Variants in DCDC1 observed in about 807,000 individuals in gnomAD.
DCDC1 encodes the protein doublecortin domain containing 1.
Under a neutral mutation model 178.3 loss-of-function variants are expected in DCDC1, and 200 were observed. The observed-to-expected ratio is 1.12, with a 90% confidence interval of 1.00 to 1.26. The LOEUF is 1.26. Among genes scored for constraint, DCDC1 ranks in the 50% most tolerant of loss-of-function variants. The pLI is 0.00. For synonymous variants in DCDC1, 690 were observed against 604.8 expected (o/e 1.14, Z -2.07); for missense variants, 1,983 against 1,749.2 (o/e 1.13, Z -2.38).
At chr11:31,011,378 C>T (rs967072988) in intron 20 of DCDC1, among the ~76,000 whole-genome samples, 5 of 152,082 alleles carry the variant, frequency 3.3e-5, no homozygotes, top group African/African-American at 1.2e-4. Context: ...ATTTGCAAAA[C>T]ATTCTAGGTT....
chr11:30,942,799 T>C (rs557270898), intron 21 of DCDC1, among the ~76,000 whole-genome samples: 1 of 152,296 alleles, frequency 6.6e-6, no homozygotes, highest in East Asian at 1.9e-4. Context: ...CCAAGAGTCT[T>C]CTCTTTTTAA....
At chr11:31,174,003 A>T (rs906820558) in intron 9 of DCDC1, among the ~76,000 whole-genome samples, 2 of 152,154 alleles carry the variant, frequency 1.3e-5, no homozygotes, top group African/African-American at 2.4e-5. Context: ...AGCCAGGAAC[A>T]GGTGGAAGCC....
At position 31,290,690 on chromosome 11, in the gene DCDC1, T is replaced by C. The variant is rs377395170; in HGVS notation, c.917A>G (p.Gln306Arg). The change falls in exon 7 of 39, where the codon CAG becomes CGG. Residue 306 changes from glutamine to arginine, a missense_variant. Coordinates refer to ENST00000684477, the MANE Select transcript of DCDC1 (RefSeq NM_001387274.1). The stretch of plus-strand genomic sequence containing the variant: ...TCCCACTGTAATCTCATGCCCATCC[T>C]GCCCCATGCCATTCTTAAAGAACAG... ...RILFFKNGMG[Q>R]DGHEITVGKE... The C allele has an allele frequency of 1.0e-4, 163 of 1,613,290 alleles. No homozygotes were observed. Among genetic ancestry groups the C allele is most frequent in the Non-Finnish European group, 1.3e-4 (152 of 1,179,510 alleles).
At position 30,900,391 on chromosome 11, in the gene DCDC1, T is replaced by C. The variant is rs201129626; in HGVS notation, c.4618A>G (p.Ile1540Val). ...TCACCACAAGACACCCAGATGGCAA[T>C]AGGATTTCTGAGGATGAGGGTAAGC... ...SLLTLILRNP[I>V]AIWVSCGEPF... Residue 1540 changes from isoleucine to valine, a missense_variant, in exon 33 of 39, where the codon ATT becomes GTT. Ile to Val is a conservative substitution (Grantham distance 29). Coordinates refer to ENST00000684477, the MANE Select transcript of DCDC1 (RefSeq NM_001387274.1). The C allele has an allele frequency of 1.8e-5, 28 of 1,578,698 alleles. No homozygotes were observed. The highest frequency in any genetic ancestry group is 2.4e-5 in the South Asian group (2 of 84,518).
At chr11:31,262,508 C>T (rs995702824) in intron 8 of DCDC1, 2 of 152,028 alleles carry the variant, frequency 1.3e-5, no homozygotes, top group Non-Finnish European at 2.9e-5. Context: ...GTCCTTGGTA[C>T]AATTACACTT....
chr11:30,925,508 C>T (rs961522706), intron 22 of DCDC1, 100 bp from the exon 23 acceptor site: 1 of 1,019,146 alleles, frequency 9.8e-7, no homozygotes, highest in African/African-American at 1.6e-5. Flanking sequence ...ATAATGACAA[C>T]TCTCTCTGCA....
At chr11:31,101,345 C>G (rs1392781259) in intron 15 of DCDC1, among the ~76,000 whole-genome samples, 1 of 142,106 alleles carries the variant, frequency 7.0e-6, no homozygotes, top group Non-Finnish European at 1.5e-5. Context: ...TTTAAAACGC[C>G]TTTCATAATT....
chr11:31,049,366 T>C (rs1464559529), intron 20 of DCDC1, among the ~76,000 whole-genome samples: 1 of 152,172 alleles, frequency 6.6e-6, no homozygotes, highest in Non-Finnish European at 1.5e-5. Context: ...ATCATGAGCT[T>C]TTTGTATACA....
chr11:31,050,381 C>T (rs1054326663), intron 20 of DCDC1, among the ~76,000 whole-genome samples: 4 of 152,168 alleles, frequency 2.6e-5, no homozygotes, highest in Admixed American at 2.6e-4. Flanking sequence ...CTCAGACACG[C>T]CTACCCCTGC....
In DCDC1 at chr11:31,194,834, G is replaced by T. The variant is rs1970499912; in HGVS notation, c.1221+46616C>A. Among the ~76,000 whole-genome samples the T allele has an allele frequency of 2.0e-5, 3 of 152,112 alleles. No homozygotes were observed. In the South Asian group the frequency reaches 6.2e-4, roughly 32 times the overall value. On this transcript the variant is annotated intron_variant, in intron 9 of 38. Coordinates refer to ENST00000684477, the MANE Select transcript of DCDC1 (RefSeq NM_001387274.1). ...GTCAAAAGTTATAAACAGTGTTAAA[G>T]CTTTTGATAAATGTTCCAAAGGGCA... is the stretch of plus-strand genomic sequence containing the variant.
intron 20 of DCDC1, among the ~76,000 whole-genome samples, chr11:30,968,711 T>TTATA (rs71451193): frequency 0.11 from 6,485 of 61,008 alleles, 1,075 homozygotes; most frequent in Non-Finnish European, 0.13. Context: ...ATATATCAAA[T>TTATA]TATATATATA....
intron 3 of DCDC1, among the ~76,000 whole-genome samples, chr11:31,316,379 T>C (rs1172517474): frequency 8.9e-6 from 1 of 112,110 alleles, no homozygotes; most frequent in African/African-American, 4.0e-5. Context: ...TCATAGTGGT[T>C]TTGATTTGCA....
At chr11:31,163,284 T>C (rs1271736874) in intron 9 of DCDC1, among the ~76,000 whole-genome samples, 1 of 152,198 alleles carries the variant, frequency 6.6e-6, no homozygotes, top group Non-Finnish European at 1.5e-5. Context: ...AGTTCAAAGA[T>C]ACAACAATAC....
intron 38 of DCDC1, among the ~76,000 whole-genome samples, chr11:30,867,481 A>G (rs2133899956): frequency 6.6e-6 from 1 of 152,336 alleles, no homozygotes; most frequent in East Asian, 1.9e-4. Context: ...CGGTACAGGT[A>G]GACACTCTAA....
intron 9 of DCDC1, among the ~76,000 whole-genome samples, chr11:31,201,566 C>A (rs1405644260): frequency 6.6e-6 from 1 of 151,676 alleles, no homozygotes; most frequent in Non-Finnish European, 1.5e-5. Flanking sequence ...ACCCAGTACC[C>A]TTTTTTCCCA....
intron 21 of DCDC1, among the ~76,000 whole-genome samples, chr11:30,948,593 G>C (rs1201889214): frequency 6.6e-6 from 1 of 152,078 alleles, no homozygotes; most frequent in Non-Finnish European, 1.5e-5. Flanking sequence ...CATGCTACCT[G>C]ACTTCAAACT....
chr11:31,258,832 G>A (rs1442468260), intron 8 of DCDC1, among the ~76,000 whole-genome samples: 1 of 152,150 alleles, frequency 6.6e-6, no homozygotes, highest in Non-Finnish European at 1.5e-5. Flanking sequence ...CAACCACTGT[G>A]ATTGAAGATG....
chr11:31,087,818 A>G (rs1226793394), intron 17 of DCDC1, among the ~76,000 whole-genome samples: 3 of 152,180 alleles, frequency 2.0e-5, no homozygotes, highest in Non-Finnish European at 2.9e-5. Flanking sequence ...GCATTTTTCT[A>G]TAAATATCAA....
intron 3 of DCDC1, among the ~76,000 whole-genome samples, chr11:31,323,276 C>G (rs1042671543): frequency 6.6e-6 from 1 of 152,190 alleles, no homozygotes; most frequent in Admixed American, 6.5e-5. Context: ...AGTTATCACA[C>G]AATTTGGATG....
Sources: allele counts gnomAD v4.1 joint callset (sites outside exome capture counted in the v4.1 genomes callset), GRCh38; gene constraint gnomAD v4.1.1; transcripts MANE v1.5; gene names NCBI Gene and HGNC (gene_info 2026-07-23, HGNC 2026-07-21).